Variants in L3MBTL4 observed in about 807,000 individuals in gnomAD.
The protein encoded by L3MBTL4 is lethal(3)malignant brain tumor-like protein 4.
L3MBTL4 carries 70 observed loss-of-function variants against 84.5 expected under a neutral mutation model. That is an observed-to-expected ratio of 0.83 (90% CI 0.68 to 1.01). L3MBTL4 has a LOEUF of 1.01. L3MBTL4 is among the 50% of genes least tolerant of loss of function. The probability of loss-of-function intolerance (pLI) is 0.00; values close to 1 mark genes in which losing one functional copy is unlikely to be tolerated. For missense variants in L3MBTL4, 715 were observed against 754.8 expected (o/e 0.95, Z 0.62); for synonymous variants, 274 against 259.8 (o/e 1.05, Z -0.52).
At chr18:6,270,115 T>C (rs1273232636) in intron 4 of L3MBTL4, among the ~76,000 whole-genome samples, 4 of 152,162 alleles carry the variant, frequency 2.6e-5, no homozygotes. Flanking sequence ...AACCACACTG[T>C]TATAAATAGC....
At chr18:6,135,890 C>T (rs2060013296) in intron 14 of L3MBTL4, among the ~76,000 whole-genome samples, 1 of 152,152 alleles carries the variant, frequency 6.6e-6, no homozygotes, top group Admixed American at 6.5e-5. Flanking sequence ...ACCAATTGTA[C>T]TGTATTATTC....
chr18:6,364,053 T>A (rs2053828754), intron 1 of L3MBTL4, among the ~76,000 whole-genome samples: 1 of 152,114 alleles, frequency 6.6e-6, no homozygotes, highest in African/African-American at 2.4e-5. Flanking sequence ...GTCCTCGACA[T>A]CCTCTCTTTT....
At chr18:6,134,208 T>C (rs1257266498) in intron 14 of L3MBTL4, among the ~76,000 whole-genome samples, 1 of 152,098 alleles carries the variant, frequency 6.6e-6, no homozygotes, top group African/African-American at 2.4e-5. Flanking sequence ...AAGAATAGCA[T>C]GGGAAAGACC....
At chr18:6,263,270 AAAAAAAAAAAAAAAG>A (rs889480074) in intron 5 of L3MBTL4, among the ~76,000 whole-genome samples, 1 of 127,228 alleles carries the variant, frequency 7.9e-6, no homozygotes, top group African/African-American at 3.1e-5. Context: ...TCCGTCTCAC[AAAAAAAAAAAAAAAG>A]AAAAAAAAAA....
Position 6,196,378 on chromosome 18 carries a change from T to G in L3MBTL4, c.981+16771A>C, listed in dbSNP as rs9957058. 3.3e-5 allele frequency among the ~76,000 whole-genome samples: 5 copies of G among 152,106 alleles called. No individual in the cohort carries two copies. In the East Asian group the frequency reaches 5.8e-4, roughly 18 times the overall value. ...TTCACCGTGTTGGCCAGGATGGTCT[T>G]GATCTCCTGACCTCATGATCTGCCC... On this transcript the variant is annotated intron_variant, in intron 12 of 18. Coordinates refer to ENST00000317931, the MANE Select transcript of L3MBTL4 (RefSeq NM_001330559.2).
In L3MBTL4 at chr18:6,244,426, A is replaced by G. The variant is rs2047572925; in HGVS notation, c.324+58T>C. On this transcript the variant is annotated intron_variant, in intron 6 of 18. Coordinates refer to ENST00000317931, the MANE Select transcript of L3MBTL4 (RefSeq NM_001330559.2). ...ATATCAAACAAATTTGTTATTTTCTAGAAAATTATCTTTCTGTCACTAGGC... is the reference window on the plus strand; with the variant it reads ...ATATCAAACAAATTTGTTATTTTCTGGAAAATTATCTTTCTGTCACTAGGC... 1.6e-5 allele frequency: 17 copies of G among 1,080,860 alleles called. No individual in the cohort carries two copies. In the South Asian group the frequency reaches 1.8e-4, roughly 11 times the overall value. The allele number at this position is 1,080,860 out of a possible 1,614,324, so 67.0% of individuals were successfully genotyped here.
At chr18:5,964,111 T>C (rs959535320) in intron 17 of L3MBTL4, among the ~76,000 whole-genome samples, 6 of 152,250 alleles carry the variant, frequency 3.9e-5, no homozygotes, top group African/African-American at 1.4e-4. Context: ...CACAGTGCTG[T>C]GACCACTGAC....
intron 14 of L3MBTL4, among the ~76,000 whole-genome samples, chr18:6,098,595 G>A (rs772982902): frequency 9.9e-5 from 15 of 152,108 alleles, no homozygotes; most frequent in South Asian, 2.1e-4. Context: ...AAGTAAAGTC[G>A]CCCAAAATAG....
At chr18:6,115,895 CA>C (rs2059343051) in intron 14 of L3MBTL4, among the ~76,000 whole-genome samples, 2 of 152,150 alleles carry the variant, frequency 1.3e-5, no homozygotes. Context: ...AGGTGGGGCC[CA>C]GGCCTCTGTT....
chr18:5,976,863 T>C (rs1011979361), intron 16 of L3MBTL4, among the ~76,000 whole-genome samples: 6 of 152,152 alleles, frequency 3.9e-5, no homozygotes, highest in Non-Finnish European at 5.9e-5. Flanking sequence ...TCTAAAAGTG[T>C]CGCTGCCCAA....
At chr18:6,275,348 A>T (rs1378995596) in intron 4 of L3MBTL4, among the ~76,000 whole-genome samples, 1 of 152,240 alleles carries the variant, frequency 6.6e-6, no homozygotes, top group Admixed American at 6.5e-5. Flanking sequence ...AAAGTAAAAC[A>T]GCATGAGGAC....
chr18:6,014,979 G>A lies in L3MBTL4; in HGVS notation c.1445-45417C>T, dbSNP rs536634340. ...TCACAGTAGGAGTGGACTGAAGTGG[G>A]GTGGATATAAGGGGATGCCTTTACC... is the stretch of plus-strand genomic sequence containing the variant. On this transcript the variant is annotated intron_variant, in intron 16 of 18. Coordinates refer to ENST00000317931, the MANE Select transcript of L3MBTL4 (RefSeq NM_001330559.2). 3.3e-3 allele frequency among the ~76,000 whole-genome samples: 503 copies of A among 152,114 alleles called. 4 individuals carry two copies. Among genetic ancestry groups the A allele is most frequent in the African/African-American group, 0.011 (475 of 41,510 alleles).
chr18:6,012,524 T>C (rs1172981887), intron 16 of L3MBTL4, among the ~76,000 whole-genome samples: 1 of 152,146 alleles, frequency 6.6e-6, no homozygotes, highest in Non-Finnish European at 1.5e-5. Context: ...GCATTTTCTG[T>C]ATTAAGTTCT....
intron 16 of L3MBTL4, among the ~76,000 whole-genome samples, chr18:5,997,470 G>A (rs590259): frequency 1.3e-5 from 2 of 152,234 alleles, no homozygotes; most frequent in African/African-American, 4.8e-5. Context: ...TCAGCCCTGT[G>A]GTTTCACTGA....
chr18:6,271,811 C>T (rs377522), intron 4 of L3MBTL4, among the ~76,000 whole-genome samples: 1 of 151,802 alleles, frequency 6.6e-6, no homozygotes, highest in African/African-American at 2.4e-5. Flanking sequence ...AGGGTTTTCA[C>T]GGGGCAGGGA....
chr18:6,294,875 T>G (rs1373614491), intron 4 of L3MBTL4, among the ~76,000 whole-genome samples: 1 of 152,184 alleles, frequency 6.6e-6, no homozygotes, highest in Non-Finnish European at 1.5e-5. Context: ...GTTAATAATC[T>G]GAAGGTGTCA....
At chr18:6,132,443 T>C (rs1253985772) in intron 14 of L3MBTL4, among the ~76,000 whole-genome samples, 2 of 152,162 alleles carry the variant, frequency 1.3e-5, no homozygotes, top group Non-Finnish European at 2.9e-5. Context: ...GGAGAAGAGC[T>C]GATAGAATTC....
At chr18:6,117,862 A>G (rs1360110032) in intron 14 of L3MBTL4, among the ~76,000 whole-genome samples, 1 of 152,328 alleles carries the variant, frequency 6.6e-6, no homozygotes, top group South Asian at 2.1e-4. Context: ...ATAAACTCAC[A>G]GAAAGAATTT....
chr18:6,205,203 G>A (rs2045821399), intron 12 of L3MBTL4, among the ~76,000 whole-genome samples: 1 of 152,130 alleles, frequency 6.6e-6, no homozygotes, highest in Non-Finnish European at 1.5e-5. Flanking sequence ...GCAGAGGTTT[G>A]AAGGTGCTAC....
Sources: allele counts gnomAD v4.1 joint callset (sites outside exome capture counted in the v4.1 genomes callset), GRCh38; gene constraint gnomAD v4.1.1; transcripts MANE v1.5; gene names NCBI Gene and HGNC (gene_info 2026-07-23, HGNC 2026-07-21).